The following EIF2AK1 variants were observed in gnomAD, a reference collection of about 807,000 sequenced individuals.
EIF2AK1 encodes the protein eukaryotic translation initiation factor 2 alpha kinase 1.
In EIF2AK1, 54 loss-of-function variants were observed where a neutral mutation model predicts 77.9. That is an observed-to-expected ratio of 0.69 (90% CI 0.56 to 0.87). The LOEUF is 0.87. Ranked by LOEUF, EIF2AK1 falls within the 40% of genes least tolerant of loss-of-function variation. EIF2AK1 has a pLI of 0.00. For synonymous variants in EIF2AK1, 314 were observed against 290.5 expected (o/e 1.08, Z -0.82); for missense variants, 810 against 768.6 (o/e 1.05, Z -0.64).
chr7:6,037,594 T>C (rs1788144176), intron 10 of EIF2AK1, 70 bp from the exon 11 acceptor site: 2 of 919,300 alleles, frequency 2.2e-6, no homozygotes, highest in African/African-American at 1.6e-5. Flanking sequence ...TAAATATTAA[T>C]GTCATTCTAA....
Position 6,038,574 on chromosome 7 carries a change from A to C in EIF2AK1, c.1217T>G (p.Val406Gly). Residue 406 changes from valine (V) to glycine (G), a missense_variant, in exon 10 of 15, where the codon GTG (valine) becomes GGG (glycine). Physicochemically the swap from Val to Gly is moderately radical, Grantham distance 109 (BLOSUM62 -3). Around this residue, in one of 3 missense-constraint regions of EIF2AK1, gnomAD observed 549 missense variants for 533.7 expected, o/e 1.03. Transcript: ENST00000199389. ...VERNKRGREYVDESACPYVMA... is the reference protein window; with the variant it reads ...VERNKRGREYGDESACPYVMA... ...ATGGTACTCACAGGCAGACTCGTCCACATACTCCCGGCCCCGCTTGTTTCT... is the reference window on the plus strand; with the variant it reads ...ATGGTACTCACAGGCAGACTCGTCCCCATACTCCCGGCCCCGCTTGTTTCT... The C allele has an allele frequency of 6.2e-7, 1 of 1,612,106 alleles. No homozygotes were observed. The highest frequency in any genetic ancestry group is 1.3e-5 in the African/African-American group (1 of 74,960).
At chr7:6,029,287 G>T (rs555565385) in intron 11 of EIF2AK1, among the ~76,000 whole-genome samples, 14 of 152,048 alleles carry the variant, frequency 9.2e-5, no homozygotes, top group Non-Finnish European at 1.9e-4. Flanking sequence ...ATCACCTGAG[G>T]TCAGGAGTTC....
chr7:6,056,595 A>AG (rs1788769807), intron 1 of EIF2AK1, among the ~76,000 whole-genome samples: 5 of 61,408 alleles, frequency 8.1e-5, no homozygotes, highest in South Asian at 4.7e-4. Flanking sequence ...CTCCATCTCA[A>AG]GGGAAAAAAA....
intron 1 of EIF2AK1, among the ~76,000 whole-genome samples, chr7:6,056,422 G>C (rs1266250696): frequency 6.7e-6 from 1 of 148,850 alleles, no homozygotes; most frequent in African/African-American, 2.5e-5. Context: ...GTGAAACCCC[G>C]TCTCTACCAA....
Position 6,023,535 on chromosome 7 carries a change from C to T in EIF2AK1, c.*1138G>A, listed in dbSNP as rs746501522. 5.0e-5 allele frequency: 80 copies of T among 1,614,082 alleles called. 1 individual carries two copies. The Admixed American group carries it at 1.2e-3, about 24-fold the overall frequency. ...CTGCTCTTGGGAAGAGCCCTTGGCT[C>T]GCTGGGAATGAACTCACCGTAGCAG... On this transcript the variant is annotated 3_prime_UTR_variant, in exon 15 of 15. Coordinates refer to ENST00000199389, the MANE Select transcript of EIF2AK1 (RefSeq NM_014413.4).
intron 2 of EIF2AK1, among the ~76,000 whole-genome samples, chr7:6,051,446 T>C (rs1199977690): frequency 6.6e-6 from 1 of 151,960 alleles, no homozygotes; most frequent in Non-Finnish European, 1.5e-5. Flanking sequence ...TAATTTTTTT[T>C]TGAGACAGAG....
chr7:6,054,094 A>G (rs886814237), intron 2 of EIF2AK1, among the ~76,000 whole-genome samples: 1 of 151,856 alleles, frequency 6.6e-6, no homozygotes, highest in Admixed American at 6.6e-5. Flanking sequence ...ACCATCCTCC[A>G]CTATCCTCCC....
At position 6,032,753 on chromosome 7, in the gene EIF2AK1, T is replaced by C; in HGVS notation, c.1333-3721A>G. On this transcript the variant is annotated intron_variant, in intron 11 of 14. Transcript: ENST00000199389. This position sits in a 1 kb window ranked among gnomAD's most constrained non-coding sequence, Gnocchi z 4.3. ...GAGCCAATGAGACACTAAATAAATG[T>C]ATTGCCTTTGAAACGGCAAGCTAAC... 9.1e-7 allele frequency: 1 copy of C among 1,096,838 alleles called. No homozygotes were observed. The highest frequency in any genetic ancestry group is 1.3e-6 in the Non-Finnish European group (1 of 749,220). The allele number at this position is 1,096,838 out of a possible 1,614,324, so 67.9% of individuals were successfully genotyped here. A position where few individuals can be genotyped will look rare whatever the true frequency, so the allele number is the denominator to read the frequency against.
chr7:6,024,635 T>C lies in EIF2AK1; in HGVS notation c.*38A>G. On this transcript the variant is annotated 3_prime_UTR_variant, in exon 15 of 15. Transcript: ENST00000199389. The stretch of plus-strand genomic sequence containing the variant: ...TATACCCTAATAAAGATTAAAAATT[T>C]ACATTCCAGTTAACTACCTTAAAAG... 1.2e-6 allele frequency: 2 copies of C among 1,613,092 alleles called. No homozygotes were observed. The highest frequency in any genetic ancestry group is 1.7e-6 in the Non-Finnish European group (2 of 1,179,660).
At chr7:6,044,200 C>T (rs557783543) in intron 7 of EIF2AK1, among the ~76,000 whole-genome samples, 2 of 152,048 alleles carry the variant, frequency 1.3e-5, no homozygotes, top group South Asian at 2.1e-4. Context: ...CGCGGTGGCT[C>T]ATGCCTGTAA....
chr7:6,056,278 G>A (rs1254457477), intron 1 of EIF2AK1, among the ~76,000 whole-genome samples: 3 of 120,290 alleles, frequency 2.5e-5, no homozygotes, highest in African/African-American at 6.4e-5. Context: ...GGGCAACGGT[G>A]TGAGACTCAG....
chr7:6,046,477 C>T (rs994874209), intron 5 of EIF2AK1: 1 of 176,188 alleles, frequency 5.7e-6, no homozygotes, highest in African/African-American at 2.4e-5. Context: ...TCAAAGTTTC[C>T]AAAATCCATG....
At chr7:6,058,941 G>C in intron 1 of EIF2AK1, 25 bp downstream of exon 1, 1 of 1,499,898 alleles carries the variant, frequency 6.7e-7, no homozygotes, top group Non-Finnish European at 8.9e-7. Flanking sequence ...GAGCAGAGCG[G>C]CGACGCCGCG....
In EIF2AK1 at chr7:6,041,109, T is replaced by C. The variant is rs749042255; in HGVS notation, c.902A>G (p.Asn301Ser). 6.8e-6 allele frequency: 11 copies of C among 1,614,156 alleles called. No individual in the cohort carries two copies. Among genetic ancestry groups the C allele is most frequent in the South Asian group, 1.1e-5 (1 of 91,080 alleles). Reference sequence around the variant, plus strand: ...GGTGGTGTACTTCACCGACTTGTTATTCTGATTTTCAGTGTCAGATTCTCC... The same window carrying C: ...GGTGGTGTACTTCACCGACTTGTTACTCTGATTTTCAGTGTCAGATTCTCC... ...RFGESDTENQ[N>S]NKSVKYTTNL... The change falls in exon 9 of 15, where the codon AAT becomes AGT. Residue 301 changes from asparagine to serine, a missense_variant. Physicochemically the swap from Asn to Ser is conservative, Grantham distance 46. Transcript: ENST00000199389.
intron 6 of EIF2AK1, among the ~76,000 whole-genome samples, chr7:6,045,157 G>C (rs908229504): frequency 3.3e-5 from 5 of 151,582 alleles, no homozygotes; most frequent in African/African-American, 1.2e-4. Flanking sequence ...GCCCAGGCTG[G>C]AGTGAAGTGA....
chr7:6,048,404 C>T (rs950520483), intron 4 of EIF2AK1, among the ~76,000 whole-genome samples: 35 of 152,150 alleles, frequency 2.3e-4, no homozygotes, highest in Admixed American at 3.9e-4. Context: ...AGCATGAATC[C>T]GTACTTCATT....
intron 2 of EIF2AK1, among the ~76,000 whole-genome samples, chr7:6,053,605 C>T (rs1788668097): frequency 6.6e-6 from 1 of 151,842 alleles, no homozygotes; most frequent in African/African-American, 2.4e-5. Flanking sequence ...CCTCATGATC[C>T]ACCTGCCTCA....
Position 6,023,401 on chromosome 7 carries a change from C to T in EIF2AK1, c.*1272G>A, listed in dbSNP as rs369386259. 1 of 1,614,202 alleles carries T rather than the reference C, an allele frequency of 6.2e-7. No individual in the cohort carries two copies. Among genetic ancestry groups the T allele is most frequent in the African/African-American group, 1.3e-5 (1 of 75,048 alleles). The stretch of plus-strand genomic sequence containing the variant: ...CTTGTTCTCTCTGTTTGGCCAGAAG[C>T]ATAATGCTGTCAACGCAACCCTTAT... On this transcript the variant is annotated 3_prime_UTR_variant, in exon 15 of 15. Transcript: ENST00000199389.
At chr7:6,057,021 A>AGT (rs149840638) in intron 1 of EIF2AK1, among the ~76,000 whole-genome samples, 1,737 of 152,016 alleles carry the variant, frequency 0.011, 36 homozygotes, top group African/African-American at 0.04. Flanking sequence ...GGCTGGGCAC[A>AGT]GTGGCTCACG....
Sources: allele counts gnomAD v4.1 joint callset (sites outside exome capture counted in the v4.1 genomes callset), GRCh38; gene constraint gnomAD v4.1.1; regional missense constraint gnomAD v4.1.1; non-coding constraint Gnocchi (gnomAD v3.1); transcripts MANE v1.5; gene names NCBI Gene and HGNC (gene_info 2026-07-23, HGNC 2026-07-21).